SPTLC2: variants seen among roughly 807,000 people sequenced by gnomAD.
SPTLC2 encodes serine palmitoyltransferase long chain base subunit 2.
In SPTLC2, 21 loss-of-function variants were observed where a neutral mutation model predicts 62.0. The observed-to-expected ratio is 0.34, with a 90% CI of 0.24 to 0.49. The LOEUF (loss-of-function observed/expected upper bound fraction) is 0.49. Ranked by LOEUF, SPTLC2 falls within the 20% of genes least tolerant of loss-of-function variation. SPTLC2 has a pLI of 0.99. For missense variants in SPTLC2, 511 were observed against 713.0 expected (o/e 0.72, Z 3.23); for synonymous variants, 261 against 261.8 (o/e 1.00, Z 0.03).
chr14:77,599,522 GAC>G (rs1365039681), intron 1 of SPTLC2, among the ~76,000 whole-genome samples: 4 of 152,232 alleles, frequency 2.6e-5, no homozygotes, highest in Admixed American at 2.6e-4. Context: ...AGTTCGGAAA[GAC>G]ACAGTTGTAT....
rs1033756932 is a variant in SPTLC2 at position 77,570,381 on chromosome 14, T to C, written c.756+3A>G. On this transcript the variant is annotated splice_donor_region_variant and intron_variant, in intron 5 of 11. Transcript: ENST00000216484. ...AGTTTTCATAAATGACAGAGTATCT[T>C]ACTTTGCCAACAAGAGCAGGAATGT... 3.1e-6 allele frequency: 5 copies of C among 1,612,834 alleles called. No homozygotes were observed. The highest frequency in any genetic ancestry group is 3.3e-5 in the Admixed American group (2 of 59,992).
At chr14:77,517,265 T>C (rs1014795799) in intron 11 of SPTLC2, among the ~76,000 whole-genome samples, 15 of 152,132 alleles carry the variant, frequency 9.9e-5, no homozygotes, top group Non-Finnish European at 1.8e-4. Flanking sequence ...AAAAAATTAG[T>C]AGCTCTCTAA....
At chr14:77,523,837 A>G (rs1156605305) in intron 9 of SPTLC2, among the ~76,000 whole-genome samples, 1 of 152,192 alleles carries the variant, frequency 6.6e-6, no homozygotes, top group Non-Finnish European at 1.5e-5. Context: ...CCAAGAACAA[A>G]GTCCAACATT....
At chr14:77,612,545 A>G (rs1212910690) in intron 1 of SPTLC2, among the ~76,000 whole-genome samples, 1 of 152,256 alleles carries the variant, frequency 6.6e-6, no homozygotes, top group Non-Finnish European at 1.5e-5. Flanking sequence ...GCCTTCAGGT[A>G]TCTGAGGTAT....
chr14:77,530,941 C>T (rs2079435442), intron 9 of SPTLC2, among the ~76,000 whole-genome samples: 1 of 152,232 alleles, frequency 6.6e-6, no homozygotes, highest in African/African-American at 2.4e-5. Context: ...TTGGCCCACC[C>T]TGTTGAGACT....
At chr14:77,524,073 G>A (rs2079397524) in intron 9 of SPTLC2, among the ~76,000 whole-genome samples, 1 of 152,098 alleles carries the variant, frequency 6.6e-6, no homozygotes, top group Non-Finnish European at 1.5e-5. Context: ...AGAAACATGA[G>A]GAGAGAAAGG....
rs553685873 is a variant in SPTLC2, at chr14:77,566,424, G to C, written c.757-3935C>G. Among the ~76,000 whole-genome samples, 5 of 152,224 alleles carry C rather than the reference G, an allele frequency of 3.3e-5. No individual in the cohort carries two copies. The South Asian group carries it at 6.2e-4, about 19-fold the overall frequency. On this transcript the variant is annotated intron_variant, in intron 5 of 11. Coordinates refer to ENST00000216484, the MANE Select transcript of SPTLC2 (RefSeq NM_004863.4). ...ATTATCACTCCCACTTTACATATGA[G>C]GACACTCTTGTTCAGGAGTTTAGAA...
intron 9 of SPTLC2, among the ~76,000 whole-genome samples, chr14:77,544,500 G>C (rs2079518002): frequency 6.6e-6 from 1 of 152,190 alleles, no homozygotes; most frequent in Non-Finnish European, 1.5e-5. Context: ...CTCGCCTTGA[G>C]ATACTCAATG....
chr14:77,561,517 A>C (rs1454741060), intron 6 of SPTLC2, among the ~76,000 whole-genome samples: 1 of 151,920 alleles, frequency 6.6e-6, no homozygotes, highest in Non-Finnish European at 1.5e-5. Context: ...AGGCTGAGGC[A>C]GGAGAATCGC....
At chr14:77,556,978 T>C (rs2079587631) in intron 7 of SPTLC2, 63 bp downstream of exon 7, 3 of 1,382,328 alleles carry the variant, frequency 2.2e-6, no homozygotes, top group Non-Finnish European at 3.1e-6. Flanking sequence ...TTCCCTTCAG[T>C]TAAAAAATTC....
At chr14:77,563,673 G>A (rs1183000620) in intron 5 of SPTLC2, among the ~76,000 whole-genome samples, 7 of 152,120 alleles carry the variant, frequency 4.6e-5, no homozygotes, top group Non-Finnish European at 7.4e-5. Context: ...TGATCCACCC[G>A]CCTCAGCGTC....
intron 6 of SPTLC2, among the ~76,000 whole-genome samples, chr14:77,562,175 GA>G (rs1410810554): frequency 2.0e-5 from 3 of 152,198 alleles, no homozygotes; most frequent in Non-Finnish European, 4.4e-5. Context: ...AAGGAAATGG[GA>G]TGGAAAACTT....
chr14:77,613,376 G>T (rs79764895), intron 1 of SPTLC2, among the ~76,000 whole-genome samples: 35 of 152,250 alleles, frequency 2.3e-4, no homozygotes, highest in African/African-American at 7.5e-4. Flanking sequence ...TCAAATAAAG[G>T]TTTGTGCTCC....
rs558561854 is a variant in SPTLC2, at chr14:77,559,387, T to C, written c.851-2241A>G. ...TCTACTTAGAAAAAAAAATTCAATC[T>C]CTCCAATGTTATGCCCCCAAATTCC... On this transcript the variant is annotated intron_variant, in intron 6 of 11. Coordinates refer to ENST00000216484, the MANE Select transcript of SPTLC2 (RefSeq NM_004863.4). Among the ~76,000 whole-genome samples the C allele has an allele frequency of 6.6e-5, 10 of 152,038 alleles. No individual in the cohort carries two copies. In the South Asian group the frequency reaches 1.9e-3, roughly 28 times the overall value.
intron 3 of SPTLC2, 177 bp downstream of exon 3, chr14:77,578,778 A>G (rs2079731489): frequency 1.6e-6 from 1 of 611,054 alleles, no homozygotes; most frequent in East Asian, 3.1e-5. Context: ...ATCAAATGTA[A>G]TAGAAAGATA....
At position 77,616,613 on chromosome 14, in the gene SPTLC2, G is replaced by A. The variant is rs927932940; in HGVS notation, c.-34C>T. On this transcript the variant is annotated 5_prime_UTR_variant, in exon 1 of 12. Transcript: ENST00000216484. Reference sequence around the variant, plus strand: ...CAGCACCAGGCGCAAGGCAGGCTCTGTAGGCGGTGGCAGCGGCGGCGGCTG... The same window carrying A: ...CAGCACCAGGCGCAAGGCAGGCTCTATAGGCGGTGGCAGCGGCGGCGGCTG... The A allele has an allele frequency of 7.2e-6, 11 of 1,531,566 alleles. No individual in the cohort carries two copies. The highest frequency in any genetic ancestry group is 6.9e-5 in the African/African-American group (5 of 72,856). 94.9% of individuals were successfully genotyped at this position (1,531,566 alleles called of 1,614,324 possible). A position where few individuals can be genotyped will look rare whatever the true frequency, so the allele number is the denominator to read the frequency against.
At chr14:77,568,627 T>G (rs2079659534) in intron 5 of SPTLC2, among the ~76,000 whole-genome samples, 1 of 152,002 alleles carries the variant, frequency 6.6e-6, no homozygotes, top group Non-Finnish European at 1.5e-5. Flanking sequence ...GCTAACACGG[T>G]GAAACCCCGT....
intron 3 of SPTLC2, among the ~76,000 whole-genome samples, chr14:77,577,168 A>C (rs544875092): frequency 6.6e-6 from 1 of 152,096 alleles, no homozygotes; most frequent in Non-Finnish European, 1.5e-5. Flanking sequence ...GACACTGTAC[A>C]TAAGAATATC....
At chr14:77,605,502 G>A (rs554945790) in intron 1 of SPTLC2, among the ~76,000 whole-genome samples, 1 of 152,238 alleles carries the variant, frequency 6.6e-6, no homozygotes, top group Non-Finnish European at 1.5e-5. Flanking sequence ...ATAGCAAAGA[G>A]GACTAGCAGA....
Sources: gnomAD v4.1 joint callset for allele counts (sites outside exome capture counted in the v4.1 genomes callset) on GRCh38, gnomAD v4.1.1 for gene constraint, MANE v1.5 for transcripts, NCBI Gene and HGNC (gene_info 2026-07-23, HGNC 2026-07-21) for gene names.